Variants in MAN1C1 observed in about 807,000 individuals in gnomAD.
MAN1C1 encodes mannosidase alpha class 1C member 1.
In MAN1C1, 49 loss-of-function variants were observed where a neutral mutation model predicts 71.5. The observed-to-expected ratio is 0.69, with a 90% CI of 0.54 to 0.87. The LOEUF (loss-of-function observed/expected upper bound fraction) is 0.87, where lower values mean the gene tolerates loss of function less well. Among genes scored for constraint, MAN1C1 ranks in the 40% least tolerant of loss-of-function variants. MAN1C1 has a pLI of 0.00. For synonymous variants in MAN1C1, 352 were observed against 343.7 expected, an observed-to-expected ratio of 1.02 and a Z score of -0.27; for missense variants, 743 against 835.0, an observed-to-expected ratio of 0.89 and a Z score of 1.36.
intron 2 of MAN1C1, among the ~76,000 whole-genome samples, chr1:25,741,129 A>G (rs529162936): frequency 1.3e-3 from 191 of 151,982 alleles, no homozygotes; most frequent in Non-Finnish European, 2.0e-3. Flanking sequence ...CTTCAAGTGG[A>G]GACATGCATG....
intron 6 of MAN1C1, 116 bp from the exon 7 acceptor site, chr1:25,763,758 C>T (rs1557797924): frequency 3.7e-6 from 3 of 803,082 alleles, no homozygotes; most frequent in African/African-American, 3.4e-5. Context: ...CCCTTCCTGC[C>T]TCCTCATAAG....
In MAN1C1 at chr1:25,764,670, G is replaced by A. The variant is rs1182718312; in HGVS notation, c.1141+703G>A. Among the ~76,000 whole-genome samples the A allele has an allele frequency of 1.3e-5, 2 of 151,660 alleles. No homozygotes were observed. The highest frequency in any genetic ancestry group is 1.5e-5 in the Non-Finnish European group (1 of 67,920). On this transcript the variant is annotated intron_variant, in intron 7 of 11. Coordinates refer to ENST00000374332, the MANE Select transcript of MAN1C1 (RefSeq NM_020379.4). This position sits in a 1 kb window ranked among gnomAD's most constrained non-coding sequence, Gnocchi z 4.4. ...TGACCTCAAATGATCCAACCGCCTCGGCCTCCCAAAGTGCTGGGATTACAG... is the reference window on the plus strand; with the variant it reads ...TGACCTCAAATGATCCAACCGCCTCAGCCTCCCAAAGTGCTGGGATTACAG...
rs572608014 is a variant in MAN1C1, at chr1:25,682,942, G to A, written c.541-3498G>A. Among the ~76,000 whole-genome samples, 372 of 151,954 alleles carry A rather than the reference G, an allele frequency of 2.4e-3. 2 individuals carry two copies. The highest frequency in any genetic ancestry group is 8.2e-3 in the African/African-American group (341 of 41,392). The stretch of plus-strand genomic sequence containing the variant: ...AATCCCGGCTACTCGGGAGGCTGAC[G>A]CAGGAGAATTGCTTGAGTCTGGGAG... On this transcript the variant is annotated intron_variant, in intron 1 of 11. Transcript: ENST00000374332.
intron 5 of MAN1C1, 63 bp from the exon 6 acceptor site, chr1:25,758,529 C>G (rs2047318993): frequency 7.0e-7 from 1 of 1,429,388 alleles, no homozygotes; most frequent in African/African-American, 1.5e-5. Flanking sequence ...GCTGCTGTTA[C>G]TGTCAGCAGA....
intron 1 of MAN1C1, among the ~76,000 whole-genome samples, chr1:25,637,970 G>GCAA (rs1470021604): frequency 7.3e-5 from 11 of 151,430 alleles, no homozygotes; most frequent in African/African-American, 2.7e-4. Context: ...ACACATAATT[G>GCAA]GGTCTGGCTT....
At position 25,618,325 on chromosome 1, in the gene MAN1C1, G is replaced by A. The variant is rs1475362597; in HGVS notation, c.528G>A (p.Glu176=). 6.2e-7 allele frequency: 1 copy of A among 1,600,450 alleles called. No homozygotes were observed. The highest frequency in any genetic ancestry group is 8.5e-7 in the Non-Finnish European group (1 of 1,175,676). The change falls in exon 1 of 12, where the codon GAG becomes GAA. Residue 176 remains glutamate (E), a synonymous_variant. Coordinates refer to ENST00000374332, the MANE Select transcript of MAN1C1 (RefSeq NM_020379.4). The stretch of plus-strand genomic sequence containing the variant: ...AGAGCCAAGTGCGAGCCCAGCGGGA[G>A]AAAATCAAGGAGGTATGGACTCAGC... ...EPQSQVRAQR[E]KIKEMMQFAW... is the part of the protein sequence containing the mutation.
chr1:25,743,979 G>A (rs942001866), intron 2 of MAN1C1, among the ~76,000 whole-genome samples: 1 of 152,216 alleles, frequency 6.6e-6, no homozygotes, highest in Non-Finnish European at 1.5e-5. Context: ...ACTTGGCCTG[G>A]GGCTGGGCCA....
At chr1:25,632,403 T>C (rs1301096634) in intron 1 of MAN1C1, among the ~76,000 whole-genome samples, 1 of 152,206 alleles carries the variant, frequency 6.6e-6, no homozygotes, top group Non-Finnish European at 1.5e-5. Flanking sequence ...TTTTTCTTGG[T>C]TAATCTAGCT....
In MAN1C1 at chr1:25,641,867, G is replaced by A. The variant is rs142776520; in HGVS notation, c.540+23530G>A. The stretch of plus-strand genomic sequence containing the variant: ...GACACTGTTTACATGATACGGATAA[G>A]CCATGAATTTATTAAAACTTTAAGA... On this transcript the variant is annotated intron_variant, in intron 1 of 11. Transcript: ENST00000374332. Among the ~76,000 whole-genome samples the A allele has an allele frequency of 6.6e-4, 100 of 152,300 alleles. No homozygotes were observed. In the South Asian group the frequency reaches 0.011, roughly 17 times the overall value.
intron 4 of MAN1C1, among the ~76,000 whole-genome samples, chr1:25,750,671 A>G (rs2047202095): frequency 6.6e-6 from 1 of 152,234 alleles, no homozygotes; most frequent in Non-Finnish European, 1.5e-5. Flanking sequence ...CTCAGCAGAG[A>G]TTAGCGCTTG....
At chr1:25,724,511 C>T (rs1323044706) in intron 2 of MAN1C1, among the ~76,000 whole-genome samples, 1 of 150,986 alleles carries the variant, frequency 6.6e-6, no homozygotes, top group Non-Finnish European at 1.5e-5. Context: ...CAAGCAGAAA[C>T]ATGCAAGTGC....
intron 1 of MAN1C1, among the ~76,000 whole-genome samples, chr1:25,626,003 G>C (rs568876916): frequency 3.4e-4 from 52 of 152,256 alleles, no homozygotes; most frequent in African/African-American, 1.2e-3. Context: ...TCGTTCACCT[G>C]TTGGCCTTTT....
chr1:25,686,610 T>C (rs2046235418), intron 2 of MAN1C1, 74 bp downstream of exon 2: 1 of 1,357,732 alleles, frequency 7.4e-7, no homozygotes, highest in South Asian at 1.2e-5. Flanking sequence ...AATTTTACTT[T>C]TGGCTTTTCA....
Position 25,617,706 on chromosome 1 carries a change from C to T in MAN1C1, c.-92C>T. 1 of 1,292,182 alleles carries T rather than the reference C, an allele frequency of 7.7e-7. No individual in the cohort carries two copies. Among genetic ancestry groups the T allele is most frequent in the South Asian group, 1.4e-5 (1 of 70,152 alleles). 80.0% of individuals were successfully genotyped at this position (1,292,182 alleles called of 1,614,324 possible). ...GCAACCCTGCCCAGGGACCCCCATC[C>T]CGGGCGGCGCTCCGGACGCCCTCCC... is the stretch of plus-strand genomic sequence containing the variant. On this transcript the variant is annotated 5_prime_UTR_variant, in exon 1 of 12. Coordinates refer to ENST00000374332, the MANE Select transcript of MAN1C1 (RefSeq NM_020379.4). The surrounding 1 kb of genome is among the most constrained non-coding windows in gnomAD (Gnocchi z 5.1).
chr1:25,693,579 C>T (rs984216655), intron 2 of MAN1C1, among the ~76,000 whole-genome samples: 1 of 152,114 alleles, frequency 6.6e-6, no homozygotes, highest in Non-Finnish European at 1.5e-5. Flanking sequence ...TACAGTAAGC[C>T]GAGATTGCCC....
chr1:25,781,232 C>A, intron 10 of MAN1C1, 120 bp downstream of exon 10: 2 of 1,087,530 alleles, frequency 1.8e-6, no homozygotes, highest in East Asian at 2.5e-5. Flanking sequence ...GACCTCTGAC[C>A]ACAGTTCAGA....
At chr1:25,704,267 T>A (rs2046487415) in intron 2 of MAN1C1, among the ~76,000 whole-genome samples, 1 of 152,232 alleles carries the variant, frequency 6.6e-6, no homozygotes, top group Non-Finnish European at 1.5e-5. Flanking sequence ...TTTCTGTCTT[T>A]GGAGAACAGC....
At chr1:25,688,927 C>T (rs2046270220) in intron 2 of MAN1C1, among the ~76,000 whole-genome samples, 1 of 152,174 alleles carries the variant, frequency 6.6e-6, no homozygotes, top group Non-Finnish European at 1.5e-5. Flanking sequence ...GTAGCCTTGG[C>T]AGGGCCCAGG....
intron 1 of MAN1C1, among the ~76,000 whole-genome samples, chr1:25,659,924 C>T (rs1476110907): frequency 2.6e-5 from 4 of 152,258 alleles, no homozygotes; most frequent in African/African-American, 4.8e-5. Flanking sequence ...AATGATATGT[C>T]GCAGCCCACA....
Sources: allele counts gnomAD v4.1 joint callset (sites outside exome capture counted in the v4.1 genomes callset), GRCh38; gene constraint gnomAD v4.1.1; non-coding constraint Gnocchi (gnomAD v3.1); transcripts MANE v1.5; gene names NCBI Gene and HGNC (gene_info 2026-07-23, HGNC 2026-07-21).